Variants in MCTP1 observed in about 807,000 individuals in gnomAD.
MCTP1 encodes multiple C2 and transmembrane domain containing 1.
Under a neutral mutation model 120.6 loss-of-function variants are expected in MCTP1, and 69 were observed. The ratio of observed to expected loss-of-function variants is 0.57; its 90% CI spans 0.47 to 0.70. The LOEUF (loss-of-function observed/expected upper bound fraction) is 0.70, where lower values mean the gene tolerates loss of function less well. Ranked by LOEUF, MCTP1 falls within the 30% of genes least tolerant of loss-of-function variation. MCTP1 has a pLI of 0.00. For missense variants in MCTP1, 1,203 were observed against 1,248.8 expected (o/e 0.96, Z 0.55); for synonymous variants, 529 against 493.1 (o/e 1.07, Z -0.96).
intron 1 of MCTP1, among the ~76,000 whole-genome samples, chr5:95,140,268 C>T (rs1759796400): frequency 6.6e-6 from 1 of 152,192 alleles, no homozygotes; most frequent in Admixed American, 6.5e-5. Flanking sequence ...TGCCAGCTAT[C>T]ATTCATGTCC....
intron 7 of MCTP1, among the ~76,000 whole-genome samples, chr5:94,922,751 G>C (rs945496477): frequency 4.6e-5 from 7 of 152,100 alleles, no homozygotes; most frequent in Admixed American, 1.3e-4. Context: ...GCCTCCCAAA[G>C]TGCTGGGATT....
chr5:94,784,860 C>T (rs1053025958), intron 18 of MCTP1: 1 of 151,976 alleles, frequency 6.6e-6, no homozygotes, highest in African/African-American at 2.4e-5. Flanking sequence ...TACAGAGACA[C>T]TCAAATACAA....
chr5:95,124,170 G>A (rs942163694), intron 1 of MCTP1, among the ~76,000 whole-genome samples: 1 of 152,184 alleles, frequency 6.6e-6, no homozygotes, highest in African/African-American at 2.4e-5. Context: ...CTACTGTGGT[G>A]AAGCTTAGAT....
chr5:95,093,884 G>T (rs1440647213), intron 1 of MCTP1, among the ~76,000 whole-genome samples: 1 of 152,156 alleles, frequency 6.6e-6, no homozygotes, highest in Non-Finnish European at 1.5e-5. Context: ...CTTGCACTGA[G>T]AATCCAGCTG....
chr5:95,173,830 TAA>T (rs571449843), intron 1 of MCTP1, among the ~76,000 whole-genome samples: 1 of 134,186 alleles, frequency 7.5e-6, no homozygotes, highest in African/African-American at 2.7e-5. Context: ...GGAGAATACT[TAA>T]AAAAAAAAAA....
intron 18 of MCTP1, among the ~76,000 whole-genome samples, chr5:94,796,556 T>G (rs1466426856): frequency 1.0e-5 from 1 of 95,444 alleles, no homozygotes; most frequent in African/African-American, 7.1e-5. Flanking sequence ...TTCGTATATA[T>G]GTGTGTGTGT....
chr5:95,190,648 A>G (rs1320524843), intron 1 of MCTP1, among the ~76,000 whole-genome samples: 2 of 145,568 alleles, frequency 1.4e-5, no homozygotes, highest in African/African-American at 5.0e-5. Flanking sequence ...TTTCCTTACT[A>G]AAAAAAAAAC....
chr5:94,764,106 C>G (rs1269602641), intron 19 of MCTP1, among the ~76,000 whole-genome samples: 1 of 152,138 alleles, frequency 6.6e-6, no homozygotes, highest in Non-Finnish European at 1.5e-5. Flanking sequence ...TAGTGCCAGC[C>G]TTGTTGCAGA....
intron 19 of MCTP1, among the ~76,000 whole-genome samples, chr5:94,753,163 A>G (rs1211510618): frequency 6.6e-6 from 1 of 152,186 alleles, no homozygotes; most frequent in Non-Finnish European, 1.5e-5. Context: ...TGGCAGTGAC[A>G]TTTATCCACA....
chr5:95,201,463 G>GTTTTTTTTTTTTTTTTTTTTTTTTTTTTT lies in MCTP1; in HGVS notation c.720+82392_720+82393insAAAAAAAAAAAAAAAAAAAAAAAAAAAAA, dbSNP rs1562232022. On this transcript the variant is annotated intron_variant, in intron 1 of 22. Transcript: ENST00000515393. Reference sequence around the variant, plus strand: ...AAGGGATAAAATGTAAAGGAAAAGTGGTTTTTTTTTTTTTTTTTTTTTTTT... The same window carrying GTTTTTTTTTTTTTTTTTTTTTTTTTTTTT: ...AAGGGATAAAATGTAAAGGAAAAGTGTTTTTTTTTTTTTTTTTTTTTTTTTTTTTGTTTTTTTTTTTTTTTTTTTTTTTT... 1.7e-5 allele frequency among the ~76,000 whole-genome samples: 2 copies of GTTTTTTTTTTTTTTTTTTTTTTTTTTTTT among 120,682 alleles called. 1 individual carries two copies. The highest frequency in any genetic ancestry group is 3.5e-5 in the Non-Finnish European group (2 of 56,672). 79.2% of individuals were successfully genotyped at this position (120,682 alleles called of 152,430 possible). A position where few individuals can be genotyped will look rare whatever the true frequency, so the allele number is the denominator to read the frequency against.
At chr5:94,889,977 T>C (rs1433769781) in intron 11 of MCTP1, among the ~76,000 whole-genome samples, 1 of 152,212 alleles carries the variant, frequency 6.6e-6, no homozygotes, top group South Asian at 2.1e-4. Flanking sequence ...TATAATGGTT[T>C]GGAGATTAGT....
intron 9 of MCTP1, among the ~76,000 whole-genome samples, chr5:94,910,180 G>GTGTGCATACATA (rs1561843088): frequency 6.5e-5 from 6 of 91,972 alleles, no homozygotes; most frequent in East Asian, 4.5e-4. Context: ...ATACATATAT[G>GTGTGCATACATA]TATGTGTGCA....
At chr5:94,992,327 G>C (rs1250419605) in intron 2 of MCTP1, among the ~76,000 whole-genome samples, 1 of 151,760 alleles carries the variant, frequency 6.6e-6, no homozygotes, top group African/African-American at 2.4e-5. Context: ...GATGAAAACA[G>C]ATTATCAGAG....
chr5:95,005,848 G>A (rs1834629070), intron 2 of MCTP1, among the ~76,000 whole-genome samples: 1 of 151,892 alleles, frequency 6.6e-6, no homozygotes, highest in African/African-American at 2.4e-5. Flanking sequence ...TACATTTAAG[G>A]AAGATTAATA....
chr5:95,097,805 G>T (rs1009063327), intron 1 of MCTP1, among the ~76,000 whole-genome samples: 3 of 152,092 alleles, frequency 2.0e-5, no homozygotes, highest in Admixed American at 2.0e-4. Flanking sequence ...ACGAAGAAAA[G>T]AAAAAGATCC....
rs929167534 is a variant in MCTP1 at position 94,919,104 on chromosome 5, G to C, written c.1273-1131C>G. 7.9e-5 allele frequency among the ~76,000 whole-genome samples: 12 copies of C among 152,246 alleles called. No individual in the cohort carries two copies. In the South Asian group the frequency reaches 2.5e-3, roughly 32 times the overall value. ...GTCACTTAGGTGAAATGTATCCTTG[G>C]TTATAGATTATCGAGAAAGGCTAAT... On this transcript the variant is annotated intron_variant, in intron 7 of 22. Transcript: ENST00000515393.
At chr5:95,133,358 T>C (rs1474852958) in intron 1 of MCTP1, among the ~76,000 whole-genome samples, 1 of 152,168 alleles carries the variant, frequency 6.6e-6, no homozygotes, top group African/African-American at 2.4e-5. Flanking sequence ...TAACTAATAA[T>C]AAAATGGAGC....
intron 2 of MCTP1, among the ~76,000 whole-genome samples, chr5:95,006,438 A>G (rs1834781540): frequency 6.6e-6 from 1 of 152,130 alleles, no homozygotes. Context: ...GTTACTGTGA[A>G]TTAATTTTTA....
chr5:95,226,936 A>C (rs1385216641), intron 1 of MCTP1, among the ~76,000 whole-genome samples: 1 of 152,174 alleles, frequency 6.6e-6, no homozygotes, highest in African/African-American at 2.4e-5. Context: ...ACTACAAAAT[A>C]CAACGGGATT....
Sources: allele counts gnomAD v4.1 joint callset (sites outside exome capture counted in the v4.1 genomes callset), GRCh38; gene constraint gnomAD v4.1.1; transcripts MANE v1.5; gene names NCBI Gene and HGNC (gene_info 2026-07-23, HGNC 2026-07-21).